Variants in PRDM5 observed in about 807,000 individuals in gnomAD.
The protein encoded by PRDM5 is PR domain zinc finger protein 5.
Under a neutral mutation model 81.2 loss-of-function variants are expected in PRDM5, and 56 were observed. That is an observed-to-expected ratio of 0.69 (90% CI 0.56 to 0.86). The LOEUF is 0.86. Among genes scored for constraint, PRDM5 ranks in the 40% least tolerant of loss-of-function variants. The probability of loss-of-function intolerance (pLI) is 0.00; values close to 1 mark genes in which losing one functional copy is unlikely to be tolerated. For synonymous variants in PRDM5, 267 were observed against 256.4 expected, an observed-to-expected ratio of 1.04 and a Z score of -0.39; for missense variants, 697 against 770.1, an observed-to-expected ratio of 0.91 and a Z score of 1.12.
intron 14 of PRDM5, among the ~76,000 whole-genome samples, chr4:120,754,143 C>G (rs1423578232): frequency 6.6e-6 from 1 of 152,172 alleles, no homozygotes; most frequent in African/African-American, 2.4e-5. Flanking sequence ...GTCTTTCTTG[C>G]AAATATACTT....
chr4:120,864,087 G>A (rs2148511143), intron 2 of PRDM5, among the ~76,000 whole-genome samples: 1 of 152,284 alleles, frequency 6.6e-6, no homozygotes, highest in South Asian at 2.1e-4. Flanking sequence ...ACTGCTGCAT[G>A]GAGGAAGGGT....
intron 10 of PRDM5, among the ~76,000 whole-genome samples, chr4:120,793,310 C>T (rs931780724): frequency 3.9e-5 from 6 of 152,152 alleles, no homozygotes; most frequent in African/African-American, 1.4e-4. Context: ...CACTGTCTCT[C>T]ATCACCCCTA....
intron 2 of PRDM5, among the ~76,000 whole-genome samples, chr4:120,858,879 GT>G (rs879189945): frequency 6.6e-6 from 1 of 152,294 alleles, no homozygotes; most frequent in Admixed American, 6.5e-5. Flanking sequence ...TCATTCTGGA[GT>G]GGTAAAGATG....
intron 13 of PRDM5, among the ~76,000 whole-genome samples, chr4:120,766,705 T>C (rs911962168): frequency 3.9e-5 from 6 of 152,236 alleles, no homozygotes; most frequent in African/African-American, 1.2e-4. Flanking sequence ...GGTTTAGTTC[T>C]AGCTGAACCA....
At chr4:120,697,427 T>C (rs1165550804) in intron 15 of PRDM5, among the ~76,000 whole-genome samples, 11 of 152,148 alleles carry the variant, frequency 7.2e-5, no homozygotes, top group Non-Finnish European at 4.4e-5. Flanking sequence ...AAATTACAAA[T>C]GACTTATTTG....
intron 15 of PRDM5, among the ~76,000 whole-genome samples, chr4:120,704,636 T>C (rs1269491593): frequency 6.6e-6 from 1 of 152,240 alleles, no homozygotes; most frequent in Non-Finnish European, 1.5e-5. Flanking sequence ...AAGAACACAC[T>C]GTCTAGCCCT....
chr4:120,784,622 G>A (rs1172690545), intron 11 of PRDM5, among the ~76,000 whole-genome samples: 1 of 152,046 alleles, frequency 6.6e-6, no homozygotes, highest in Non-Finnish European at 1.5e-5. Context: ...AACGATGCCA[G>A]ATATCTGCAT....
chr4:120,827,754 C>T (rs1369039801), intron 3 of PRDM5, among the ~76,000 whole-genome samples: 1 of 152,050 alleles, frequency 6.6e-6, no homozygotes, highest in Non-Finnish European at 1.5e-5. Flanking sequence ...GGGCTAATAT[C>T]AAGGCCTGAG....
chr4:120,870,558 C>T (rs1761675601), intron 2 of PRDM5, among the ~76,000 whole-genome samples: 1 of 151,922 alleles, frequency 6.6e-6, no homozygotes, highest in Non-Finnish European at 1.5e-5. Flanking sequence ...CCTAAGCCAG[C>T]CCAGGAAAAA....
intron 2 of PRDM5, among the ~76,000 whole-genome samples, chr4:120,904,958 T>G (rs1185465320): frequency 1.3e-5 from 2 of 152,180 alleles, no homozygotes; most frequent in African/African-American, 4.8e-5. Flanking sequence ...TTTTTATCAT[T>G]TTATGACTTA....
chr4:120,780,283 A>C (rs1390794054), intron 12 of PRDM5, among the ~76,000 whole-genome samples: 3 of 151,980 alleles, frequency 2.0e-5, no homozygotes, highest in African/African-American at 7.2e-5. Context: ...TATCTCTACA[A>C]AAATTTTAAA....
intron 8 of PRDM5, among the ~76,000 whole-genome samples, chr4:120,803,799 C>A (rs548737513): frequency 1.3e-5 from 2 of 152,200 alleles, no homozygotes; most frequent in South Asian, 4.1e-4. Flanking sequence ...CATCAACTAA[C>A]GAGCAAAATA....
At chr4:120,840,582 G>A (rs548047689) in intron 3 of PRDM5, among the ~76,000 whole-genome samples, 178 of 152,164 alleles carry the variant, frequency 1.2e-3, no homozygotes, top group Non-Finnish European at 2.0e-3. Flanking sequence ...CCCCAGCTCC[G>A]TGACCCAGGC....
intron 14 of PRDM5, among the ~76,000 whole-genome samples, chr4:120,750,451 G>A (rs1397441744): frequency 1.3e-5 from 2 of 152,128 alleles, no homozygotes; most frequent in African/African-American, 2.4e-5. Context: ...TGATGGTGAG[G>A]AAGGATCCTT....
chr4:120,886,242 A>G (rs1478627217), intron 2 of PRDM5, among the ~76,000 whole-genome samples: 1 of 152,268 alleles, frequency 6.6e-6, no homozygotes, highest in Non-Finnish European at 1.5e-5. Context: ...AAAGAAAAAC[A>G]TTTGGTAAAA....
intron 2 of PRDM5, chr4:120,896,031 C>T (rs1579156788): frequency 1.3e-5 from 2 of 152,028 alleles, no homozygotes; most frequent in African/African-American, 2.4e-5. Context: ...ACTGTCTCTA[C>T]AAAAAACAAA....
rs1751400260 is a variant in PRDM5 at position 120,796,736 on chromosome 4, C to T, written c.1188+1531G>A. ...TATTCTTTGGTAAATCTGCCTTTTT[C>T]TTTCTCTTTTTGGACTAAAGTTGAA... On this transcript the variant is annotated intron_variant, in intron 10 of 15. Coordinates refer to ENST00000264808, the MANE Select transcript of PRDM5 (RefSeq NM_018699.4). 2.0e-5 allele frequency among the ~76,000 whole-genome samples: 3 copies of T among 152,182 alleles called. No homozygotes were observed. In the South Asian group the frequency reaches 6.2e-4, roughly 32 times the overall value.
At chr4:120,767,085 A>G (rs1746491810) in intron 13 of PRDM5, among the ~76,000 whole-genome samples, 1 of 152,196 alleles carries the variant, frequency 6.6e-6, no homozygotes, top group South Asian at 2.1e-4. Flanking sequence ...AAGGTAGTGA[A>G]GGATAAAATC....
rs139624523 is a variant in PRDM5, at chr4:120,792,953, A to G, written c.1188+5314T>C. On this transcript the variant is annotated intron_variant, in intron 10 of 15. Coordinates refer to ENST00000264808, the MANE Select transcript of PRDM5 (RefSeq NM_018699.4). ...AGGGAGGAATGGGAAGATGTTGGTC[A>G]AGGGATACAAAGTTTCAGTTACACA... Among the ~76,000 whole-genome samples, 6 of 152,280 alleles carry G rather than the reference A, an allele frequency of 3.9e-5. No homozygotes were observed. In the East Asian group the frequency reaches 1.2e-3, roughly 29 times the overall value.
Sources: gnomAD v4.1 joint callset for allele counts (sites outside exome capture counted in the v4.1 genomes callset) on GRCh38, gnomAD v4.1.1 for gene constraint, MANE v1.5 for transcripts, NCBI Gene and HGNC (gene_info 2026-07-23, HGNC 2026-07-21) for gene names.